Variants in CAMKMT observed in about 807,000 individuals in gnomAD.
CAMKMT encodes calmodulin-lysine N-methyltransferase.
A neutral mutation model predicts 48.0 loss-of-function variants in CAMKMT; 53 were observed. The observed-to-expected ratio is 1.10, with a 90% CI of 0.89 to 1.39. The LOEUF (loss-of-function observed/expected upper bound fraction) is 1.39. Among genes scored for constraint, CAMKMT ranks in the 40% most tolerant of loss-of-function variants. CAMKMT has a pLI of 0.00. For synonymous variants in CAMKMT, 165 were observed against 152.3 expected (o/e 1.08, Z -0.61); for missense variants, 428 against 402.7 (o/e 1.06, Z -0.54).
At chr2:44,488,484 A>G (rs1490364885) in intron 3 of CAMKMT, among the ~76,000 whole-genome samples, 1 of 152,190 alleles carries the variant, frequency 6.6e-6, no homozygotes, top group African/African-American at 2.4e-5. Flanking sequence ...AGCCTGAGTA[A>G]CAAGAGCAAA....
chr2:44,663,561 G>A (rs1558779502), intron 3 of CAMKMT, among the ~76,000 whole-genome samples: 1 of 152,198 alleles, frequency 6.6e-6, no homozygotes, highest in Non-Finnish European at 1.5e-5. Context: ...TCCATTTTCA[G>A]AAGCTTTGCA....
At chr2:44,549,265 T>C (rs1667574947) in intron 3 of CAMKMT, among the ~76,000 whole-genome samples, 2 of 152,312 alleles carry the variant, frequency 1.3e-5, no homozygotes, top group South Asian at 4.1e-4. Flanking sequence ...GTCCACTTCT[T>C]TGGGCTCTCT....
chr2:44,524,493 C>G (rs552865940), intron 3 of CAMKMT, among the ~76,000 whole-genome samples: 1 of 152,150 alleles, frequency 6.6e-6, no homozygotes, highest in South Asian at 2.1e-4. Flanking sequence ...TCTTCTTCCT[C>G]TTTCTTCTTT....
At chr2:44,754,930 G>A (rs921809974) in intron 9 of CAMKMT, among the ~76,000 whole-genome samples, 9 of 151,848 alleles carry the variant, frequency 5.9e-5, no homozygotes, top group African/African-American at 9.7e-5. Context: ...TATTAATACA[G>A]TCGAAGATAG....
At chr2:44,392,316 G>A (rs75334739) in intron 3 of CAMKMT, among the ~76,000 whole-genome samples, 1,858 of 152,094 alleles carry the variant, frequency 0.012, 18 homozygotes, top group Admixed American at 0.015. Context: ...GTTGTTTTGT[G>A]TACCTTTTAT....
At chr2:44,554,111 A>G (rs1667874223) in intron 3 of CAMKMT, among the ~76,000 whole-genome samples, 1 of 152,226 alleles carries the variant, frequency 6.6e-6, no homozygotes, top group African/African-American at 2.4e-5. Flanking sequence ...TCATTCATTC[A>G]TTCAGTAGAC....
chr2:44,446,949 A>T (rs1667035346), intron 3 of CAMKMT, among the ~76,000 whole-genome samples: 2 of 152,160 alleles, frequency 1.3e-5, no homozygotes, highest in African/African-American at 4.8e-5. Context: ...CCACGTTAGC[A>T]TTTATGAAGG....
rs142048440 is a variant in CAMKMT at position 44,578,009 on chromosome 2, C to G, written c.377-126274C>G. ...GCTTTGGCCACTTCTTCAGACTTCA[C>G]TCTCTTGTGAAGATCCCCATGTACA... On this transcript the variant is annotated intron_variant, in intron 3 of 10. Coordinates refer to ENST00000378494, the MANE Select transcript of CAMKMT (RefSeq NM_024766.5). 2.0e-3 allele frequency among the ~76,000 whole-genome samples: 302 copies of G among 152,276 alleles called. 13 individuals carry two copies. The East Asian group carries it at 0.052, about 26-fold the overall frequency.
At chr2:44,447,732 T>G (rs534751238) in intron 3 of CAMKMT, among the ~76,000 whole-genome samples, 1 of 152,346 alleles carries the variant, frequency 6.6e-6, no homozygotes, top group East Asian at 1.9e-4. Flanking sequence ...TGAAGCCTGT[T>G]GTCAGTAGGG....
chr2:44,634,141 A>G (rs1474925434), intron 3 of CAMKMT, among the ~76,000 whole-genome samples: 3 of 152,078 alleles, frequency 2.0e-5, no homozygotes, highest in Non-Finnish European at 4.4e-5. Flanking sequence ...TCACACTGCA[A>G]CACACAGCTT....
chr2:44,702,154 G>C (rs923972057), intron 3 of CAMKMT, among the ~76,000 whole-genome samples: 1 of 151,958 alleles, frequency 6.6e-6, no homozygotes, highest in Admixed American at 6.6e-5. Context: ...CAAGCTAAAG[G>C]CATAAAGAAA....
At chr2:44,707,635 C>T (rs184747117) in intron 6 of CAMKMT, among the ~76,000 whole-genome samples, 173 bp downstream of exon 6, 25 of 152,192 alleles carry the variant, frequency 1.6e-4, no homozygotes, top group South Asian at 4.2e-4. Flanking sequence ...CATACAACTC[C>T]GTAGGTTTTT....
At chr2:44,744,634 G>A (rs553134925) in intron 8 of CAMKMT, among the ~76,000 whole-genome samples, 4 of 152,124 alleles carry the variant, frequency 2.6e-5, no homozygotes, top group African/African-American at 9.6e-5. Flanking sequence ...TATTGATAAG[G>A]CCAATCATAA....
At chr2:44,382,828 G>A (rs111336068) in intron 2 of CAMKMT, among the ~76,000 whole-genome samples, 101 of 152,194 alleles carry the variant, frequency 6.6e-4, no homozygotes, top group African/African-American at 2.1e-3. Context: ...GGGCCTCTGT[G>A]GCAGAAATAA....
At chr2:44,666,143 G>T (rs1465472045) in intron 3 of CAMKMT, among the ~76,000 whole-genome samples, 1 of 152,176 alleles carries the variant, frequency 6.6e-6, no homozygotes, top group East Asian at 1.9e-4. Flanking sequence ...AAGAGGTTAA[G>T]AGATTTACAT....
At chr2:44,704,754 A>T (rs1677458101) in intron 4 of CAMKMT, among the ~76,000 whole-genome samples, 1 of 151,628 alleles carries the variant, frequency 6.6e-6, no homozygotes, top group Non-Finnish European at 1.5e-5. Flanking sequence ...AGAATGTCTG[A>T]TAGATAAATA....
chr2:44,378,208 G>C (rs889077327), intron 2 of CAMKMT, among the ~76,000 whole-genome samples: 3 of 152,106 alleles, frequency 2.0e-5, no homozygotes, highest in African/African-American at 7.2e-5. Flanking sequence ...TTAAATCATA[G>C]ATATGGGCTA....
At chr2:44,694,281 A>G (rs1676817940) in intron 3 of CAMKMT, among the ~76,000 whole-genome samples, 1 of 152,180 alleles carries the variant, frequency 6.6e-6, no homozygotes, top group Non-Finnish European at 1.5e-5. Context: ...TTGACATTTA[A>G]AATAATTCTA....
chr2:44,727,028 G>A (rs1236407630), intron 7 of CAMKMT, among the ~76,000 whole-genome samples: 2 of 152,174 alleles, frequency 1.3e-5, no homozygotes, highest in Non-Finnish European at 2.9e-5. Flanking sequence ...TGGCTTTATA[G>A]TATAGCTTGA....
Sources: allele counts gnomAD v4.1 joint callset (sites outside exome capture counted in the v4.1 genomes callset), GRCh38; gene constraint gnomAD v4.1.1; transcripts MANE v1.5; gene names NCBI Gene and HGNC (gene_info 2026-07-23, HGNC 2026-07-21).